Variants in TBC1D22A observed in about 807,000 individuals in gnomAD.
The protein encoded by TBC1D22A is putative GTPase activator.
In TBC1D22A, 38 loss-of-function variants were observed where a neutral mutation model predicts 60.2. The ratio of observed to expected loss-of-function variants is 0.63; its 90% confidence interval spans 0.49 to 0.83. The LOEUF is 0.83. Among genes scored for constraint, TBC1D22A ranks in the 40% least tolerant of loss-of-function variants. TBC1D22A has a pLI of 0.00. For missense variants in TBC1D22A, 628 were observed against 701.0 expected (o/e 0.90, Z 1.18); for synonymous variants, 302 against 281.7 (o/e 1.07, Z -0.72).
intron 4 of TBC1D22A, among the ~76,000 whole-genome samples, chr22:46,852,036 G>A (rs1202826391): frequency 1.3e-5 from 2 of 152,206 alleles, no homozygotes; most frequent in South Asian, 4.1e-4. Flanking sequence ...AAGATGCTTC[G>A]TGGGCACTGT....
intron 11 of TBC1D22A, among the ~76,000 whole-genome samples, chr22:47,076,529 AACAG>A (rs2064235734): frequency 6.6e-6 from 1 of 151,944 alleles, no homozygotes; most frequent in Non-Finnish European, 1.5e-5. Context: ...TAAATAATTG[AACAG>A]TGTTTTGGTA....
At chr22:46,808,334 G>T (rs553968049) in intron 4 of TBC1D22A, among the ~76,000 whole-genome samples, 1 of 151,710 alleles carries the variant, frequency 6.6e-6, no homozygotes, top group South Asian at 2.1e-4. Context: ...CTCCAGCCTG[G>T]GTAACAGAGT....
chr22:46,762,674 CTG>C lies in TBC1D22A; in HGVS notation c.-112_-111del. ...CGGAAGAGCTTCTCGGCTCTAGGCT[CTG>C]GAGTCCCGGGAGCAGTGAGGGGCCA... On this transcript the variant is annotated 5_prime_UTR_variant, in exon 1 of 13. Coordinates refer to ENST00000337137, the MANE Select transcript of TBC1D22A (RefSeq NM_014346.5). 3.3e-6 allele frequency: 3 copies of C among 904,950 alleles called. No homozygotes were observed. The highest frequency in any genetic ancestry group is 4.6e-6 in the Non-Finnish European group (3 of 646,714). 56.1% of individuals were successfully genotyped at this position (904,950 alleles called of 1,614,324 possible).
intron 10 of TBC1D22A, among the ~76,000 whole-genome samples, chr22:47,019,254 C>A (rs1379434121): frequency 1.3e-5 from 2 of 152,236 alleles, no homozygotes. Context: ...CCTACTCCCT[C>A]CCAGCCTGGT....
chr22:46,890,851 G>T (rs988386474), intron 5 of TBC1D22A, among the ~76,000 whole-genome samples: 2 of 152,198 alleles, frequency 1.3e-5, no homozygotes, highest in Non-Finnish European at 2.9e-5. Context: ...TGGGGTGTGT[G>T]TGCGTGGTTG....
intron 4 of TBC1D22A, among the ~76,000 whole-genome samples, chr22:46,838,664 A>G (rs1217674956): frequency 1.3e-5 from 2 of 152,248 alleles, no homozygotes; most frequent in East Asian, 1.9e-4. Flanking sequence ...GCTCTCATCA[A>G]AATACTAGCA....
chr22:46,776,154 A>G (rs1191511134), intron 1 of TBC1D22A, among the ~76,000 whole-genome samples: 1 of 152,254 alleles, frequency 6.6e-6, no homozygotes. Flanking sequence ...ATGAGATGAC[A>G]TTAAAGTGGA....
At chr22:47,113,231 G>A (rs974416534) in intron 12 of TBC1D22A, among the ~76,000 whole-genome samples, 7 of 152,188 alleles carry the variant, frequency 4.6e-5, no homozygotes, top group African/African-American at 1.7e-4. Context: ...CTGCCTCCCG[G>A]AGAGCCTCCC....
At chr22:47,167,289 C>T (rs997113803) in intron 12 of TBC1D22A, among the ~76,000 whole-genome samples, 6 of 152,166 alleles carry the variant, frequency 3.9e-5, no homozygotes, top group Non-Finnish European at 5.9e-5. Flanking sequence ...CCAGAAGCCC[C>T]GTAGTGGAAG....
chr22:46,920,088 A>ATGTATGTATGTATGTATGTATGT (rs60783794), intron 8 of TBC1D22A, among the ~76,000 whole-genome samples: 26 of 145,898 alleles, frequency 1.8e-4, no homozygotes, highest in Admixed American at 3.4e-4. Context: ...TGTATGTATG[A>ATGTATGTATGTATGTATGTATGT]ATGAAGGAGA....
intron 11 of TBC1D22A, among the ~76,000 whole-genome samples, chr22:47,089,209 A>G (rs779823709): frequency 3.9e-5 from 6 of 152,226 alleles, no homozygotes; most frequent in Non-Finnish European, 8.8e-5. Context: ...GCAGGATCAC[A>G]TTAAGGAATC....
intron 11 of TBC1D22A, among the ~76,000 whole-genome samples, chr22:47,103,768 A>ATT (rs199874343): frequency 6.6e-6 from 1 of 151,614 alleles, no homozygotes; most frequent in African/African-American, 2.4e-5. Flanking sequence ...CTAAGCTCTG[A>ATT]TTTTTTTTTA....
chr22:47,003,286 C>G (rs1234716006), intron 10 of TBC1D22A, among the ~76,000 whole-genome samples: 2 of 151,908 alleles, frequency 1.3e-5, no homozygotes, highest in African/African-American at 4.8e-5. Context: ...GAATTCAGAC[C>G]CAGGCTTGAG....
chr22:46,872,990 C>T (rs2067363335), intron 4 of TBC1D22A, among the ~76,000 whole-genome samples: 1 of 152,180 alleles, frequency 6.6e-6, no homozygotes, highest in South Asian at 2.1e-4. Context: ...CCCTCCAGCC[C>T]TCTCTATTGA....
At position 47,160,633 on chromosome 22, in the gene TBC1D22A, G is replaced by A. The variant is rs754891; in HGVS notation, c.1426-12865G>A. Among the ~76,000 whole-genome samples, 168 of 152,328 alleles carry A rather than the reference G, an allele frequency of 1.1e-3. 4 individuals carry two copies. The East Asian group carries it at 0.015, about 13-fold the overall frequency. ...TATGAAAGTACAGGGGTCTTCGCTGGAGCCGTGCCATGACTCACTATTTTT... is the reference window on the plus strand; with the variant it reads ...TATGAAAGTACAGGGGTCTTCGCTGAAGCCGTGCCATGACTCACTATTTTT... On this transcript the variant is annotated intron_variant, in intron 12 of 12. Transcript: ENST00000337137.
At chr22:47,033,513 A>C (rs1239008035) in intron 10 of TBC1D22A, among the ~76,000 whole-genome samples, 4 of 152,076 alleles carry the variant, frequency 2.6e-5, no homozygotes, top group African/African-American at 7.2e-5. Flanking sequence ...GGGCCGGGGA[A>C]ACAAAGGCGA....
chr22:46,854,408 G>A (rs1018231487), intron 4 of TBC1D22A, among the ~76,000 whole-genome samples: 1 of 152,030 alleles, frequency 6.6e-6, no homozygotes, highest in Non-Finnish European at 1.5e-5. Context: ...CTCCTCCACT[G>A]AACAAGCCAC....
At chr22:46,882,798 G>C (rs566212069) in intron 5 of TBC1D22A, among the ~76,000 whole-genome samples, 5 of 152,192 alleles carry the variant, frequency 3.3e-5, no homozygotes, top group Non-Finnish European at 7.3e-5. Flanking sequence ...GATAACCAAA[G>C]CTGTGCTTGA....
chr22:46,811,496 C>T (rs2085374354), intron 4 of TBC1D22A, among the ~76,000 whole-genome samples: 1 of 152,176 alleles, frequency 6.6e-6, no homozygotes, highest in Non-Finnish European at 1.5e-5. Context: ...GGGAGGGACT[C>T]ACTTAAGCGG....
Sources: gnomAD v4.1 joint callset for allele counts (sites outside exome capture counted in the v4.1 genomes callset) on GRCh38, gnomAD v4.1.1 for gene constraint, MANE v1.5 for transcripts, NCBI Gene and HGNC (gene_info 2026-07-23, HGNC 2026-07-21) for gene names.